Variants in MYO6 observed in about 807,000 individuals in gnomAD.
MYO6 encodes the protein unconventional myosin-VI.
A neutral mutation model predicts 178.7 loss-of-function variants in MYO6; 74 were observed. The observed-to-expected ratio is 0.41, with a 90% CI of 0.34 to 0.50. The LOEUF is 0.50. MYO6 is among the 20% of genes least tolerant of loss of function. The probability of loss-of-function intolerance (pLI) is 0.09; values close to 1 mark genes in which losing one functional copy is unlikely to be tolerated. For missense variants in MYO6, 1,330 were observed against 1,547.4 expected, an observed-to-expected ratio of 0.86 and a Z score of 2.36; for synonymous variants, 477 against 504.6, an observed-to-expected ratio of 0.95 and a Z score of 0.73.
chr6:75,797,708 A>G (rs1769012242), intron 1 of MYO6, among the ~76,000 whole-genome samples: 1 of 151,546 alleles, frequency 6.6e-6, no homozygotes, highest in Admixed American at 6.6e-5. Flanking sequence ...TAATTTTTGG[A>G]TTTTTAGTAG....
At chr6:75,825,943 C>T (rs2150196660) in intron 3 of MYO6, among the ~76,000 whole-genome samples, 1 of 152,034 alleles carries the variant, frequency 6.6e-6, no homozygotes, top group East Asian at 1.9e-4. Context: ...TAAATTGTTT[C>T]AAAATTTTAA....
At chr6:75,836,032 C>G in intron 7 of MYO6, 76 bp downstream of exon 7, 2 of 995,456 alleles carry the variant, frequency 2.0e-6, no homozygotes, top group Admixed American at 1.7e-5. Flanking sequence ...CTGGAATGTT[C>G]TTCTCTCAGA....
At chr6:75,820,125 C>G (rs535307441) in intron 2 of MYO6, among the ~76,000 whole-genome samples, 1 of 152,334 alleles carries the variant, frequency 6.6e-6, no homozygotes, top group Non-Finnish European at 1.5e-5. Flanking sequence ...CGCTCTGAAG[C>G]CTTGTAGGCT....
intron 1 of MYO6, among the ~76,000 whole-genome samples, chr6:75,800,917 C>T (rs182941020): frequency 6.6e-6 from 1 of 152,276 alleles, no homozygotes; most frequent in East Asian, 1.9e-4. Context: ...GATGGGATTT[C>T]CCCATGTTGG....
chr6:75,881,910 AAC>A (rs1193502038), intron 23 of MYO6, 92 bp downstream of exon 23: 2 of 1,466,850 alleles, frequency 1.4e-6, no homozygotes, highest in Admixed American at 1.7e-5. Context: ...GATGCTGAGC[AAC>A]AGAGACTGAG....
intron 12 of MYO6, among the ~76,000 whole-genome samples, chr6:75,856,455 C>A (rs117256813): frequency 0.035 from 5,333 of 151,308 alleles, 110 homozygotes; most frequent in Non-Finnish European, 0.054. Context: ...ATCTGAATGA[C>A]TTATAATTCT....
intron 9 of MYO6, among the ~76,000 whole-genome samples, chr6:75,844,005 A>C (rs1669207899): frequency 6.6e-6 from 1 of 152,180 alleles, no homozygotes; most frequent in South Asian, 2.1e-4. Context: ...TGTTTAAAAA[A>C]ACTTGTCCAT....
intron 7 of MYO6, among the ~76,000 whole-genome samples, chr6:75,840,310 C>T (rs1243408578): frequency 1.3e-5 from 2 of 151,808 alleles, no homozygotes; most frequent in Admixed American, 1.3e-4. Flanking sequence ...TACAGGCATG[C>T]ACCTCCACGC....
chr6:75,755,970 G>C (rs1176331953), intron 1 of MYO6, among the ~76,000 whole-genome samples: 1 of 152,180 alleles, frequency 6.6e-6, no homozygotes. Context: ...ACTTGCTCTG[G>C]AATATTTCTG....
Position 75,830,404 on chromosome 6 carries a change from T to G in MYO6, c.262-12T>G, listed in dbSNP as rs368072756. 264 of 1,606,946 alleles carry G rather than the reference T, an allele frequency of 1.6e-4. No homozygotes were observed. The highest frequency in any genetic ancestry group is 2.0e-4 in the Non-Finnish European group (231 of 1,174,100). ...AATTGGAATATTTTATGTTTATGCT[T>G]TTCGTATTTAGACATATGTCGCCAA... On this transcript the variant is annotated splice_polypyrimidine_tract_variant and intron_variant, in intron 4 of 34. Coordinates refer to ENST00000369977, the MANE Select transcript of MYO6 (RefSeq NM_004999.4).
Position 75,848,332 on chromosome 6 carries a change from G to GTGTCTTCTTGT in MYO6, c.898-17_898-7dup, listed in dbSNP as rs756610217. On this transcript the variant is annotated intron_variant, in intron 10 of 34. Transcript: ENST00000369977. ...AAATAATGTAACGATCAGTTAATTG[G>GTGTCTTCTTGT]TGTCTTCTTGTTTTGTAGTACCTTA... is the stretch of plus-strand genomic sequence containing the variant. 5 of 1,607,478 alleles carry GTGTCTTCTTGT rather than the reference G, an allele frequency of 3.1e-6. No individual in the cohort carries two copies. Among genetic ancestry groups the GTGTCTTCTTGT allele is most frequent in the Non-Finnish European group, 4.3e-6 (5 of 1,174,052 alleles).
At chr6:75,815,987 C>T (rs535649119) in intron 1 of MYO6, among the ~76,000 whole-genome samples, 9 of 152,286 alleles carry the variant, frequency 5.9e-5, no homozygotes, top group African/African-American at 1.7e-4. Context: ...TTGCATGTCA[C>T]GGATTGTTTT....
intron 33 of MYO6, among the ~76,000 whole-genome samples, chr6:75,911,941 T>G (rs1407673089): frequency 6.6e-6 from 1 of 152,004 alleles, no homozygotes; most frequent in East Asian, 1.9e-4. Flanking sequence ...TTACTTGCAT[T>G]AAGAAAATGA....
At chr6:75,836,032 C>A in intron 7 of MYO6, 76 bp downstream of exon 7, 2 of 995,456 alleles carry the variant, frequency 2.0e-6, no homozygotes, top group South Asian at 1.3e-5. Context: ...CTGGAATGTT[C>A]TTCTCTCAGA....
intron 1 of MYO6, among the ~76,000 whole-genome samples, chr6:75,753,455 G>GTATATATATA (rs58108910): frequency 4.3e-5 from 6 of 140,058 alleles, no homozygotes; most frequent in African/African-American, 1.6e-4. Flanking sequence ...GTGTGTGTGT[G>GTATATATATA]TATATATATA....
intron 1 of MYO6, among the ~76,000 whole-genome samples, chr6:75,757,309 CACATATACATATAGAACATATAT>C (rs1452190879): frequency 2.0e-5 from 3 of 147,768 alleles, no homozygotes; most frequent in African/African-American, 7.4e-5. Context: ...TGTATACACA[CACATATACATATAGAACATATAT>C]ACATATACAT....
At chr6:75,829,319 C>G (rs1243112700) in intron 4 of MYO6, among the ~76,000 whole-genome samples, 1 of 152,036 alleles carries the variant, frequency 6.6e-6, no homozygotes, top group African/African-American at 2.4e-5. Flanking sequence ...CCAGTATCAC[C>G]TAACTGTGTA....
At chr6:75,866,826 G>C (rs1776745409) in intron 17 of MYO6, 106 bp from the exon 18 acceptor site, 5 of 1,275,170 alleles carry the variant, frequency 3.9e-6, no homozygotes, top group Non-Finnish European at 2.3e-6. Flanking sequence ...GGACAGTGCA[G>C]ATACAGAACA....
At chr6:75,805,371 A>G (rs1769970186) in intron 1 of MYO6, among the ~76,000 whole-genome samples, 1 of 152,108 alleles carries the variant, frequency 6.6e-6, no homozygotes, top group Non-Finnish European at 1.5e-5. Context: ...GCAACAGCTC[A>G]TGTTTTGTGA....
Sources: allele counts gnomAD v4.1 joint callset (sites outside exome capture counted in the v4.1 genomes callset), GRCh38; gene constraint gnomAD v4.1.1; transcripts MANE v1.5; gene names NCBI Gene and HGNC (gene_info 2026-07-23, HGNC 2026-07-21).